FAM184B: variants seen among roughly 807,000 people sequenced by gnomAD.
FAM184B encodes family with sequence similarity 184 member B.
A neutral mutation model predicts 135.9 loss-of-function variants in FAM184B; 111 were observed. That is an observed-to-expected ratio of 0.82 (90% CI 0.70 to 0.96). The LOEUF (loss-of-function observed/expected upper bound fraction) is 0.96, where lower values mean the gene tolerates loss of function less well. Ranked by LOEUF, FAM184B falls within the 40% of genes least tolerant of loss-of-function variation. FAM184B has a pLI of 0.00. For missense variants in FAM184B, 1,375 were observed against 1,323.9 expected, an observed-to-expected ratio of 1.04 and a Z score of -0.60; for synonymous variants, 552 against 524.8, an observed-to-expected ratio of 1.05 and a Z score of -0.71.
At chr4:17,688,627 G>A in intron 6 of FAM184B, 96 bp from the exon 7 acceptor site, 1 of 701,944 alleles carries the variant, frequency 1.4e-6, no homozygotes, top group Non-Finnish European at 2.1e-6. Context: ...GGGTCAGTCT[G>A]TTCTGGGGAG....
chr4:17,742,298 A>G (rs1718065044), intron 1 of FAM184B, among the ~76,000 whole-genome samples: 1 of 151,720 alleles, frequency 6.6e-6, no homozygotes. Context: ...CAAGACCCCC[A>G]TCTCTACAAA....
chr4:17,780,833 C>T (rs1157751640), intron 1 of FAM184B, among the ~76,000 whole-genome samples: 1 of 152,146 alleles, frequency 6.6e-6, no homozygotes, highest in African/African-American at 2.4e-5. Flanking sequence ...AATGAAATCA[C>T]AACATTCTAG....
At chr4:17,665,252 T>C (rs933625706) in intron 7 of FAM184B, among the ~76,000 whole-genome samples, 4 of 152,200 alleles carry the variant, frequency 2.6e-5, no homozygotes, top group Non-Finnish European at 4.4e-5. Flanking sequence ...ACTTGCTGAA[T>C]GACCAGAAAT....
chr4:17,636,765 A>G, intron 14 of FAM184B, 120 bp from the exon 15 acceptor site: 1 of 830,398 alleles, frequency 1.2e-6, no homozygotes, highest in Non-Finnish European at 1.8e-6. Flanking sequence ...AGGCCCAGAT[A>G]GCAGCAGCGG....
chr4:17,688,453 G>C lies in FAM184B; in HGVS notation c.1567C>G (p.Arg523Gly). 1 of 1,550,772 alleles carries C rather than the reference G, an allele frequency of 6.4e-7. No homozygotes were observed. The change falls in exon 7 of 18, where the codon CGC (arginine) becomes GGC (glycine). Residue 523 changes from arginine (R) to glycine (G), a missense_variant. Physicochemically the swap from Arg to Gly is moderately radical, Grantham distance 125 (BLOSUM62 -2). Coordinates refer to ENST00000265018, the MANE Select transcript of FAM184B (RefSeq NM_015688.2). ...GTCTCCAGAATGCTGCAGTGCTGGC[G>C]GCCTAATTCCTGGGGACTTTCCTCA... Reference protein sequence around the residue: ...GAEESPQELGRQHCSILETQD... With the variant: ...GAEESPQELGGQHCSILETQD...
intron 1 of FAM184B, among the ~76,000 whole-genome samples, chr4:17,762,607 G>A (rs1358376825): frequency 6.6e-6 from 1 of 152,172 alleles, no homozygotes; most frequent in Non-Finnish European, 1.5e-5. Flanking sequence ...ACCAAAGCAA[G>A]TTGCAAAAAG....
intron 1 of FAM184B, among the ~76,000 whole-genome samples, chr4:17,774,919 T>C (rs1409464741): frequency 6.6e-6 from 1 of 151,992 alleles, no homozygotes; most frequent in African/African-American, 2.4e-5. Context: ...GCTTTGAGAG[T>C]AAGGCATCAT....
chr4:17,727,124 A>G (rs1717659894), intron 1 of FAM184B, among the ~76,000 whole-genome samples: 1 of 152,172 alleles, frequency 6.6e-6, no homozygotes, highest in South Asian at 2.1e-4. Context: ...TGACCCTTCT[A>G]AGTAAACTCA....
intron 1 of FAM184B, among the ~76,000 whole-genome samples, chr4:17,778,834 G>T (rs1020599465): frequency 1.3e-5 from 2 of 152,222 alleles, no homozygotes; most frequent in Admixed American, 1.3e-4. Flanking sequence ...ACTCCAGCCT[G>T]GGTAACAGAG....
chr4:17,748,018 C>T lies in FAM184B; in HGVS notation c.141+33141G>A, dbSNP rs559011090. Among the ~76,000 whole-genome samples, 5 of 135,510 alleles carry T rather than the reference C, an allele frequency of 3.7e-5. 1 individual carries two copies. In the South Asian group the frequency reaches 1.0e-3, roughly 27 times the overall value. The allele number at this position is 135,510 out of a possible 152,430, so 88.9% of individuals were successfully genotyped here. The stretch of plus-strand genomic sequence containing the variant: ...CTCCTCCAGGCTGAGGCAGGAGAAT[C>T]GCTTAAACCCGGGAGGCAGAGGTTG... On this transcript the variant is annotated intron_variant, in intron 1 of 17. Transcript: ENST00000265018.
At chr4:17,751,557 A>T (rs1010100359) in intron 1 of FAM184B, among the ~76,000 whole-genome samples, 2 of 151,858 alleles carry the variant, frequency 1.3e-5, no homozygotes, top group Admixed American at 6.6e-5. Flanking sequence ...ACTTTCAAAC[A>T]ACCTTTTGTT....
At chr4:17,663,479 C>G (rs1715965129) in intron 8 of FAM184B, among the ~76,000 whole-genome samples, 1 of 152,150 alleles carries the variant, frequency 6.6e-6, no homozygotes, top group African/African-American at 2.4e-5. Flanking sequence ...GTTTTCTATG[C>G]CCAAAATCTC....
At chr4:17,777,836 C>T (rs1718957699) in intron 1 of FAM184B, among the ~76,000 whole-genome samples, 1 of 151,942 alleles carries the variant, frequency 6.6e-6, no homozygotes, top group Admixed American at 6.6e-5. Flanking sequence ...GCATATGCAC[C>T]CCTGTAATCC....
intron 12 of FAM184B, among the ~76,000 whole-genome samples, 164 bp from the exon 13 acceptor site, chr4:17,642,392 C>T (rs1362821558): frequency 1.3e-5 from 2 of 152,206 alleles, no homozygotes; most frequent in Admixed American, 1.3e-4. Context: ...CATCTAGTCT[C>T]TTAAAAAATT....
chr4:17,664,423 G>A (rs949484430), intron 8 of FAM184B, 139 bp downstream of exon 8: 33 of 641,780 alleles, frequency 5.1e-5, no homozygotes, highest in African/African-American at 5.0e-4. Flanking sequence ...AGACATACAA[G>A]ATATGCTTGT....
rs557147671 is a variant in FAM184B, at chr4:17,630,876, A to G, written c.*1656T>C. 1 of 152,308 alleles carries G rather than the reference A, an allele frequency of 6.6e-6. No homozygotes were observed. Among genetic ancestry groups the G allele is most frequent in the East Asian group, 1.9e-4 (1 of 5,186 alleles). 9.4% of individuals were successfully genotyped at this position (152,308 alleles called of 1,614,324 possible). On this transcript the variant is annotated 3_prime_UTR_variant, in exon 18 of 18. Transcript: ENST00000265018. The stretch of plus-strand genomic sequence containing the variant: ...TAATTTTACCTTTCTGTGGAAAATC[A>G]ATACAAGTCAACCATTTTTATTGCC...
chr4:17,695,155 C>CTGGGGTTTT (rs141899736), intron 5 of FAM184B, among the ~76,000 whole-genome samples: 119 of 135,180 alleles, frequency 8.8e-4, no homozygotes, highest in Middle Eastern at 3.7e-3. Context: ...TACTGTTTTT[C>CTGGGGTTTT]TTTGTTGTTT....
intron 1 of FAM184B, among the ~76,000 whole-genome samples, chr4:17,762,517 C>T (rs1718569021): frequency 6.6e-6 from 1 of 152,204 alleles, no homozygotes; most frequent in Non-Finnish European, 1.5e-5. Context: ...TGGCCACCAA[C>T]ACACGATATT....
At chr4:17,764,672 G>A (rs980048349) in intron 1 of FAM184B, among the ~76,000 whole-genome samples, 27 of 152,194 alleles carry the variant, frequency 1.8e-4, no homozygotes, top group Admixed American at 1.7e-3. Context: ...TATGCTAGAA[G>A]CTGTTGGGAG....
Sources: allele counts gnomAD v4.1 joint callset (sites outside exome capture counted in the v4.1 genomes callset), GRCh38; gene constraint gnomAD v4.1.1; transcripts MANE v1.5; gene names NCBI Gene and HGNC (gene_info 2026-07-23, HGNC 2026-07-21).